Variants in GPBP1L1 observed in about 807,000 individuals in gnomAD.
GPBP1L1 encodes the protein vasculin-like protein 1.
Under a neutral mutation model 52.5 loss-of-function variants are expected in GPBP1L1, and 23 were observed. That is an observed-to-expected ratio of 0.44 (90% CI 0.32 to 0.62). The LOEUF (loss-of-function observed/expected upper bound fraction) is 0.62, where lower values mean the gene tolerates loss of function less well. GPBP1L1 is among the 20% of genes least tolerant of loss of function. GPBP1L1 has a pLI of 0.06. For missense variants in GPBP1L1, 596 were observed against 579.3 expected, an observed-to-expected ratio of 1.03 and a Z score of -0.30; for synonymous variants, 243 against 203.1, an observed-to-expected ratio of 1.20 and a Z score of -1.67.
At chr1:45,679,912 A>T (rs1370746503) in intron 2 of GPBP1L1, among the ~76,000 whole-genome samples, 1 of 119,718 alleles carries the variant, frequency 8.4e-6, no homozygotes, top group Non-Finnish European at 1.7e-5. Context: ...AAAAAAAAAA[A>T]TTAGCCAGGC....
At chr1:45,628,962 A>T (rs117069080) in intron 12 of GPBP1L1, among the ~76,000 whole-genome samples, 3 of 152,184 alleles carry the variant, frequency 2.0e-5, no homozygotes, top group Non-Finnish European at 4.4e-5. Context: ...GTGCCCAGCC[A>T]TAAGTCCTTA....
intron 6 of GPBP1L1, chr1:45,651,282 T>G: frequency 2.5e-6 from 1 of 397,786 alleles, no homozygotes; most frequent in Non-Finnish European, 4.9e-6. Context: ...CCCTTGATAA[T>G]GCAGTAAGGG....
intron 4 of GPBP1L1, among the ~76,000 whole-genome samples, chr1:45,658,355 T>C (rs1251762101): frequency 2.0e-5 from 3 of 152,190 alleles, no homozygotes; most frequent in Admixed American, 2.0e-4. Flanking sequence ...TCTGCCCCTT[T>C]GACCTCCACA....
chr1:45,644,505 A>G (rs994039037), intron 6 of GPBP1L1, among the ~76,000 whole-genome samples: 2 of 152,216 alleles, frequency 1.3e-5, no homozygotes, highest in African/African-American at 4.8e-5. Flanking sequence ...AGACATTACA[A>G]ATCTCATTAG....
intron 2 of GPBP1L1, among the ~76,000 whole-genome samples, chr1:45,670,820 TCTCA>T (rs1353971384): frequency 7.1e-6 from 1 of 141,318 alleles, no homozygotes; most frequent in Non-Finnish European, 1.5e-5. Flanking sequence ...TGAGATGGAG[TCTCA>T]CTCTGTCACC....
intron 2 of GPBP1L1, among the ~76,000 whole-genome samples, chr1:45,678,368 A>T (rs1645172061): frequency 6.6e-6 from 1 of 152,236 alleles, no homozygotes; most frequent in Non-Finnish European, 1.5e-5. Flanking sequence ...ATCCTTCGCC[A>T]CCAAGGTAAC....
In GPBP1L1 at chr1:45,663,924, G is replaced by GA. The variant is rs57741899; in HGVS notation, c.-1097-2700dup. 6.2e-3 allele frequency among the ~76,000 whole-genome samples: 942 copies of GA among 151,198 alleles called. 7 individuals are homozygous for GA. The highest frequency in any genetic ancestry group is 0.022 in the African/African-American group (909 of 41,280). ...GCTTATTACTAAAAAATTCTGAGAA[G>GA]AAAAAACACATCATTTAAAATTCTC... On this transcript the variant is annotated intron_variant, in intron 2 of 12. Coordinates refer to ENST00000355105, the MANE Select transcript of GPBP1L1 (RefSeq NM_021639.5).
intron 2 of GPBP1L1, among the ~76,000 whole-genome samples, chr1:45,677,334 G>A (rs1569885963): frequency 2.2e-5 from 3 of 133,812 alleles, no homozygotes; most frequent in South Asian, 5.0e-4. Flanking sequence ...AGGAAGATTC[G>A]TCTCAGGAAA....
At chr1:45,686,845 G>C (rs775965965), upstream of GPBP1L1, 2 of 152,716 alleles carry the variant, frequency 1.3e-5, 1 homozygote, top group African/African-American at 4.8e-5. Flanking sequence ...GCACGGACAA[G>C]CCTAGTTTAG....
chr1:45,679,711 G>C (rs1175118430), intron 2 of GPBP1L1, among the ~76,000 whole-genome samples: 7 of 152,004 alleles, frequency 4.6e-5, no homozygotes, highest in Admixed American at 3.3e-4. Context: ...GAATCAACTT[G>C]AATTACTGTG....
intron 4 of GPBP1L1, chr1:45,656,219 TGGAA>T (rs1321702480): frequency 1.3e-5 from 2 of 152,218 alleles, no homozygotes; most frequent in African/African-American, 4.8e-5. Context: ...GTAACAAAAC[TGGAA>T]GGAAGCAGTT....
intron 8 of GPBP1L1, among the ~76,000 whole-genome samples, chr1:45,636,074 C>G (rs1207554358): frequency 6.6e-6 from 1 of 152,208 alleles, no homozygotes; most frequent in African/African-American, 2.4e-5. Flanking sequence ...ATACTCACCT[C>G]TATCCCCAAT....
At chr1:45,676,100 CCTTG>C (rs1645135833) in intron 2 of GPBP1L1, among the ~76,000 whole-genome samples, 1 of 152,242 alleles carries the variant, frequency 6.6e-6, no homozygotes, top group South Asian at 2.1e-4. Context: ...GTTATTAGTG[CCTTG>C]CTTCTTTTAT....
chr1:45,638,359 T>C (rs1357708362), intron 8 of GPBP1L1, among the ~76,000 whole-genome samples: 1 of 152,210 alleles, frequency 6.6e-6, no homozygotes, highest in Admixed American at 6.5e-5. Context: ...TGAAATACTG[T>C]TTCAGCCCTA....
intron 6 of GPBP1L1, among the ~76,000 whole-genome samples, chr1:45,649,830 C>T (rs1644798932): frequency 6.6e-6 from 1 of 152,104 alleles, no homozygotes; most frequent in Admixed American, 6.5e-5. Context: ...CCAGTTAATC[C>T]CCACTGTGCA....
Position 45,630,590 on chromosome 1 carries a change from G to A in GPBP1L1, c.1061C>T (p.Thr354Ile). Residue 354 changes from threonine (T) to isoleucine (I), a missense_variant, in exon 11 of 13, where the codon ACA becomes ATA. Transcript: ENST00000355105. ...DKLEDLEDNS[T>I]PEPKENGEEG... ...CTCCCCATTTTCCTTTGGTTCAGGT[G>A]TGCTGTTGTCCTCCAACTGCAATAA... 6.2e-7 allele frequency: 1 copy of A among 1,614,046 alleles called. No homozygotes were observed. The highest frequency in any genetic ancestry group is 8.5e-7 in the Non-Finnish European group (1 of 1,179,956).
At chr1:45,648,974 G>A (rs1220990532) in intron 6 of GPBP1L1, among the ~76,000 whole-genome samples, 2 of 152,210 alleles carry the variant, frequency 1.3e-5, no homozygotes, top group Non-Finnish European at 2.9e-5. Flanking sequence ...AGGTTGCAGT[G>A]AGCCAAGATC....
intron 12 of GPBP1L1, among the ~76,000 whole-genome samples, chr1:45,628,715 G>A (rs769354999): frequency 1.4e-4 from 22 of 152,180 alleles, no homozygotes; most frequent in Non-Finnish European, 2.6e-4. Flanking sequence ...CCAGGCTAGA[G>A]TGCAATGGCA....
intron 8 of GPBP1L1, among the ~76,000 whole-genome samples, chr1:45,637,888 A>AG (rs1225926174): frequency 2.6e-5 from 4 of 152,180 alleles, no homozygotes; most frequent in Non-Finnish European, 4.4e-5. Context: ...CACAAAAAAA[A>AG]GGGGGGCATT....
Sources: gnomAD v4.1 joint callset for allele counts (sites outside exome capture counted in the v4.1 genomes callset) on GRCh38, gnomAD v4.1.1 for gene constraint, MANE v1.5 for transcripts, NCBI Gene and HGNC (gene_info 2026-07-23, HGNC 2026-07-21) for gene names.